Variants in SLF2 observed in about 807,000 individuals in gnomAD.
The protein encoded by SLF2 is SMC5/6 complex localization factor 2, also known as SMC5-SMC6 complex localization factor protein 2.
In SLF2, 68 loss-of-function variants were observed where a neutral mutation model predicts 124.3. The ratio of observed to expected loss-of-function variants is 0.55; its 90% CI spans 0.45 to 0.67. The LOEUF (loss-of-function observed/expected upper bound fraction) is 0.67, where lower values mean the gene tolerates loss of function less well. Ranked by LOEUF, SLF2 falls within the 30% of genes least tolerant of loss-of-function variation. SLF2 has a pLI of 0.00. For synonymous variants in SLF2, 480 were observed against 478.8 expected (o/e 1.00, Z -0.03); for missense variants, 1,246 against 1,373.7 (o/e 0.91, Z 1.47).
intron 17 of SLF2, among the ~76,000 whole-genome samples, chr10:100,954,936 ACT>A (rs1235951381): frequency 1.4e-5 from 2 of 140,484 alleles, no homozygotes; most frequent in African/African-American, 2.7e-5. Flanking sequence ...ACAAGGCAAG[ACT>A]CTCTTTTTTT....
chr10:100,953,777 C>T (rs757443181), intron 17 of SLF2, among the ~76,000 whole-genome samples: 2 of 152,012 alleles, frequency 1.3e-5, no homozygotes, highest in African/African-American at 2.4e-5. Context: ...CTCAGCCTCC[C>T]GAGTAGCTGG....
chr10:100,943,007 G>A (rs928077957), intron 11 of SLF2, among the ~76,000 whole-genome samples: 6 of 145,606 alleles, frequency 4.1e-5, no homozygotes, highest in East Asian at 2.1e-4. Flanking sequence ...CCCATTACAC[G>A]GGCCTGGTTG....
intron 17 of SLF2, among the ~76,000 whole-genome samples, chr10:100,954,595 T>G (rs1850289971): frequency 6.6e-6 from 1 of 152,192 alleles, no homozygotes; most frequent in South Asian, 2.1e-4. Flanking sequence ...GATGCATAAT[T>G]TTTCAAAGAA....
intron 9 of SLF2, among the ~76,000 whole-genome samples, chr10:100,931,368 C>T (rs1281498369): frequency 6.6e-6 from 1 of 152,108 alleles, no homozygotes; most frequent in African/African-American, 2.4e-5. Context: ...TGCTTACATA[C>T]CTAAATTTCT....
rs567957757 is a variant in SLF2, at chr10:100,928,039, C to A, written c.2043-1278C>A. Among the ~76,000 whole-genome samples the A allele has an allele frequency of 5.1e-4, 23 of 45,054 alleles. 1 individual carries two copies. Among genetic ancestry groups the A allele is most frequent in the East Asian group, 1.3e-3 (4 of 3,076 alleles). The allele number at this position is 45,054 out of a possible 152,430, so 29.6% of individuals were successfully genotyped here. On this transcript the variant is annotated intron_variant, in intron 6 of 19. Coordinates refer to ENST00000238961, the MANE Select transcript of SLF2 (RefSeq NM_018121.4). ...TTAGAATTATGATGAACACCCCCCC[C>A]CCCCCCCACACACACACACACACAC...
intron 17 of SLF2, among the ~76,000 whole-genome samples, chr10:100,954,655 A>G (rs1182271282): frequency 6.6e-6 from 1 of 152,168 alleles, no homozygotes; most frequent in Non-Finnish European, 1.5e-5. Flanking sequence ...CTATAGAAAA[A>G]AAAATAGGCC....
intron 18 of SLF2, among the ~76,000 whole-genome samples, chr10:100,957,291 A>T (rs935043223): frequency 7.1e-6 from 1 of 141,394 alleles, no homozygotes; most frequent in Non-Finnish European, 1.5e-5. Flanking sequence ...TATTCTTTGA[A>T]TGTTTCATTG....
chr10:100,952,784 C>T (rs1462388333), intron 17 of SLF2, among the ~76,000 whole-genome samples: 1 of 149,856 alleles, frequency 6.7e-6, no homozygotes, highest in East Asian at 2.1e-4. Context: ...ACTAAAAATA[C>T]AAAAATTAGC....
intron 6 of SLF2, 106 bp from the exon 7 acceptor site, chr10:100,929,211 A>G (rs1402481347): frequency 1.3e-5 from 14 of 1,058,472 alleles, no homozygotes; most frequent in Non-Finnish European, 1.8e-5. Context: ...GTTATATACC[A>G]GGGTACTTAA....
chr10:100,955,896 ACT>A (rs1407838735), intron 17 of SLF2, among the ~76,000 whole-genome samples: 26 of 113,734 alleles, frequency 2.3e-4, no homozygotes, highest in African/African-American at 9.1e-4. Context: ...ACAGAGCAAG[ACT>A]CTGTCTCAAA....
chr10:100,924,062 C>G lies in SLF2; in HGVS notation c.1061C>G (p.Pro354Arg). The change falls in exon 5 of 20, where the codon CCA becomes CGA. Residue 354 changes from proline to arginine, a missense_variant. Coordinates refer to ENST00000238961, the MANE Select transcript of SLF2 (RefSeq NM_018121.4). ...AAAAGCACAAGAGAATCTATGATAC[C>G]AAAAGCAAGAGAGTCCTTCCTTGAG... ...DLKSTRESMIPKARESFLEKR... is the reference protein window; with the variant it reads ...DLKSTRESMIRKARESFLEKR... The G allele has an allele frequency of 1.2e-6, 2 of 1,609,502 alleles. No individual in the cohort carries two copies. Among genetic ancestry groups the G allele is most frequent in the Non-Finnish European group, 1.7e-6 (2 of 1,178,850 alleles).
Position 100,913,060 on chromosome 10 carries a change from C to T in SLF2, c.-51C>T, listed in dbSNP as rs373406873. The T allele has an allele frequency of 3.1e-6, 5 of 1,593,222 alleles. No individual in the cohort carries two copies. The African/African-American group carries it at 6.7e-5, about 21-fold the overall frequency. ...TCCCAGCAGCAAGACGGCAACCACG[C>T]ACCCAACTTCTCCAGCCACGGCTCA... is the stretch of plus-strand genomic sequence containing the variant. On this transcript the variant is annotated 5_prime_UTR_variant, in exon 1 of 20. Transcript: ENST00000238961.
chr10:100,934,259 C>T (rs1589953552), intron 9 of SLF2, among the ~76,000 whole-genome samples: 1 of 152,214 alleles, frequency 6.6e-6, no homozygotes, highest in African/African-American at 2.4e-5. Flanking sequence ...TCAGTGGCTT[C>T]ATAGTATTCC....
chr10:100,940,854 G>A (rs1280509416), intron 11 of SLF2, among the ~76,000 whole-genome samples: 1 of 91,176 alleles, frequency 1.1e-5, no homozygotes, highest in Non-Finnish European at 2.6e-5. Context: ...TTCCTTCCAT[G>A]AGATGAGGTC....
chr10:100,943,802 G>A lies in SLF2; in HGVS notation c.2655-224G>A. 3 of 398,466 alleles carry A rather than the reference G, an allele frequency of 7.5e-6. No homozygotes were observed. The South Asian group carries it at 1.3e-4, about 17-fold the overall frequency. 24.7% of individuals were successfully genotyped at this position (398,466 alleles called of 1,614,324 possible). On this transcript the variant is annotated intron_variant, in intron 11 of 19. Coordinates refer to ENST00000238961, the MANE Select transcript of SLF2 (RefSeq NM_018121.4). Reference sequence around the variant, plus strand: ...GGGATAGCAGATTGACTTGGATTTGGCATAAAGAGACTTTTGAGGGGAATG... The same window carrying A: ...GGGATAGCAGATTGACTTGGATTTGACATAAAGAGACTTTTGAGGGGAATG...
At chr10:100,926,638 GGCTCA>G in intron 6 of SLF2, 1 of 157,800 alleles carries the variant, frequency 6.3e-6, no homozygotes, top group South Asian at 2.0e-4. Context: ...CAGGCGCAGT[GGCTCA>G]CGCCTGTAAT....
At chr10:100,929,251 ATAAAC>A in intron 6 of SLF2, 61 bp from the exon 7 acceptor site, 2 of 1,444,252 alleles carry the variant, frequency 1.4e-6, no homozygotes, top group Middle Eastern at 1.8e-4. Flanking sequence ...GCTTTTAGAT[ATAAAC>A]TAAAGACTTT....
intron 9 of SLF2, among the ~76,000 whole-genome samples, chr10:100,932,987 G>T (rs577043404): frequency 6.6e-6 from 1 of 152,188 alleles, no homozygotes; most frequent in South Asian, 2.1e-4. Flanking sequence ...CTTACCAGCA[G>T]TTTTCAGTGA....
At chr10:100,942,603 C>T (rs1396466477) in intron 11 of SLF2, among the ~76,000 whole-genome samples, 1 of 152,134 alleles carries the variant, frequency 6.6e-6, no homozygotes, top group East Asian at 1.9e-4. Flanking sequence ...ACTGCAACCT[C>T]CACCTCCCAG....
Sources: allele counts gnomAD v4.1 joint callset (sites outside exome capture counted in the v4.1 genomes callset), GRCh38; gene constraint gnomAD v4.1.1; transcripts MANE v1.5; gene names NCBI Gene and HGNC (gene_info 2026-07-23, HGNC 2026-07-21).